IFI44L: variants seen among roughly 807,000 people sequenced by gnomAD.
IFI44L encodes interferon induced protein 44 like.
IFI44L carries 40 observed loss-of-function variants against 39.3 expected under a neutral mutation model. The ratio of observed to expected loss-of-function variants is 1.02; its 90% CI spans 0.79 to 1.33. The LOEUF (loss-of-function observed/expected upper bound fraction) is 1.33. Among genes scored for constraint, IFI44L ranks in the 40% most tolerant of loss-of-function variants. The probability of loss-of-function intolerance (pLI) is 0.00; values close to 1 mark genes in which losing one functional copy is unlikely to be tolerated. For synonymous variants in IFI44L, 198 were observed against 182.3 expected, an observed-to-expected ratio of 1.09 and a Z score of -0.69; for missense variants, 623 against 549.0, an observed-to-expected ratio of 1.13 and a Z score of -1.35.
chr1:78,636,054 AGTTT>A, intron 5 of IFI44L: 1 of 150,930 alleles, frequency 6.6e-6, no homozygotes, highest in South Asian at 2.1e-4. Flanking sequence ...GAGATGATAT[AGTTT>A]AAGTTCTCAA....
At chr1:78,634,697 G>A (rs1652873583) in intron 4 of IFI44L, among the ~76,000 whole-genome samples, 1 of 152,084 alleles carries the variant, frequency 6.6e-6, no homozygotes, top group African/African-American at 2.4e-5. Flanking sequence ...ATACTATAAT[G>A]ATGGTGATGT....
intron 1 of IFI44L, chr1:78,626,629 ACT>A (rs1299128715): frequency 6.6e-6 from 1 of 151,908 alleles, no homozygotes; most frequent in Non-Finnish European, 1.5e-5. Context: ...TATGAAATTA[ACT>A]CTGTCTGCTT....
chr1:78,634,863 G>A (rs939949637), intron 4 of IFI44L, among the ~76,000 whole-genome samples: 2 of 151,436 alleles, frequency 1.3e-5, no homozygotes, highest in Non-Finnish European at 2.9e-5. Context: ...AAGTGGAGCT[G>A]TTATTAACTT....
intron 1 of IFI44L, among the ~76,000 whole-genome samples, chr1:78,623,517 T>G (rs771467667): frequency 1.0e-4 from 15 of 150,628 alleles, no homozygotes; most frequent in Admixed American, 2.0e-4. Context: ...TCAGAGAAAC[T>G]GAACCAACAT....
intron 1 of IFI44L, among the ~76,000 whole-genome samples, chr1:78,624,317 C>T (rs1009081207): frequency 2.6e-5 from 4 of 152,122 alleles, no homozygotes; most frequent in African/African-American, 9.6e-5. Context: ...TTAAAATTCC[C>T]TTTTGATTTC....
At chr1:78,625,566 T>A (rs1652454249) in intron 1 of IFI44L, 1 of 152,102 alleles carries the variant, frequency 6.6e-6, no homozygotes, top group Admixed American at 6.6e-5. Flanking sequence ...ATTTTGTTAA[T>A]CCTTTTGAAA....
chr1:78,627,500 TGCTCTCTTG>T (rs1251454285), intron 1 of IFI44L: 1 of 152,744 alleles, frequency 6.5e-6, no homozygotes, highest in East Asian at 1.9e-4. Flanking sequence ...AACACAGTCA[TGCTCTCTTG>T]TTTACATATT....
intron 6 of IFI44L, among the ~76,000 whole-genome samples, chr1:78,640,427 A>G (rs967678144): frequency 2.0e-5 from 3 of 152,128 alleles, no homozygotes; most frequent in Non-Finnish European, 2.9e-5. Context: ...AAATAAACAC[A>G]AGATTTTAGT....
At position 78,637,142 on chromosome 1, in the gene IFI44L, C is replaced by A; in HGVS notation, c.987C>A (p.Asp329Glu). The change falls in exon 6 of 9, where the codon GAC becomes GAA. Residue 329 changes from aspartate to glutamate, a missense_variant. Asp to Glu is a conservative substitution (Grantham distance 45). Coordinates refer to ENST00000370751, the MANE Select transcript of IFI44L (RefSeq NM_006820.4). ...ATGTCTTAGACATCAACTCTATTGA[C>A]AATCTCTACTCTAAAATGTTGGCAA... ...VAYVLDINSI[D>E]NLYSKMLAKV... is the part of the protein sequence containing the mutation. 1 of 1,609,348 alleles carries A rather than the reference C, an allele frequency of 6.2e-7. No homozygotes were observed. Among genetic ancestry groups the A allele is most frequent in the African/African-American group, 1.3e-5 (1 of 74,640 alleles).
At chr1:78,630,545 T>A (rs1459357521) in intron 4 of IFI44L, among the ~76,000 whole-genome samples, 21 of 152,168 alleles carry the variant, frequency 1.4e-4, no homozygotes, top group Admixed American at 1.4e-3. Context: ...AATGTTATCA[T>A]GCACATGCAA....
At position 78,629,873 on chromosome 1, in the gene IFI44L, C is replaced by T. The variant is rs762710969; in HGVS notation, c.681C>T (p.Gly227=). The T allele has an allele frequency of 9.9e-6, 16 of 1,613,590 alleles. No individual in the cohort carries two copies. The East Asian group carries it at 2.7e-4, about 27-fold the overall frequency. The part of the protein sequence containing the change: ...VKSIFHGHVT[G]QAVVGSDITS... The stretch of plus-strand genomic sequence containing the variant: ...CTATTTTTCATGGCCATGTGACTGG[C>T]CAAGCCGTAGTGGGGTCTGATATCA... Residue 227 remains glycine (G), a synonymous_variant, in exon 4 of 9, where the codon GGC becomes GGT. Coordinates refer to ENST00000370751, the MANE Select transcript of IFI44L (RefSeq NM_006820.4).
chr1:78,628,271 C>T lies in IFI44L; in HGVS notation c.356C>T (p.Thr119Met), dbSNP rs77163359. 1.8e-4 allele frequency: 297 copies of T among 1,608,910 alleles called. No homozygotes were observed. Among genetic ancestry groups the T allele is most frequent in the Non-Finnish European group, 2.4e-4 (280 of 1,176,432 alleles). ...DEQLVCRLSKTDIFIICRDNK... is the reference protein window; with the variant it reads ...DEQLVCRLSKMDIFIICRDNK... ...CAACTGGTGTGTCGTTTATCGAAAA[C>T]GGATATTTTCATTATATGTCGAGAT... is the stretch of plus-strand genomic sequence containing the variant. The change falls in exon 2 of 9, where the codon ACG becomes ATG. Residue 119 changes from threonine to methionine, a missense_variant. Physicochemically the swap from Thr to Met is moderately conservative, Grantham distance 81 (BLOSUM62 -1). Transcript: ENST00000370751.
rs188968829 is a variant in IFI44L, at chr1:78,623,564, G to A, written c.-11+2993G>A. 8.7e-4 allele frequency among the ~76,000 whole-genome samples: 132 copies of A among 152,144 alleles called. 1 individual carries two copies. The highest frequency in any genetic ancestry group is 3.0e-3 in the African/African-American group (124 of 41,534). On this transcript the variant is annotated intron_variant, in intron 1 of 8. Transcript: ENST00000370751. ...AATTAAAAAAAAACTAAGGAAATTT[G>A]TTATGGGAGGTGGCTCATGTGGTGT...
intron 1 of IFI44L, among the ~76,000 whole-genome samples, chr1:78,623,774 C>T (rs946067138): frequency 5.3e-5 from 8 of 151,936 alleles, no homozygotes; most frequent in East Asian, 1.9e-4. Context: ...TCCCAGAATC[C>T]GAATGTTTGA....
chr1:78,628,549 A>T, intron 2 of IFI44L, 156 bp downstream of exon 2: 2 of 606,184 alleles, frequency 3.3e-6, no homozygotes, highest in African/African-American at 3.7e-5. Context: ...TGGGGAACAT[A>T]AGGATTATGA....
At chr1:78,638,646 T>G (rs1653039881) in intron 6 of IFI44L, among the ~76,000 whole-genome samples, 1 of 152,074 alleles carries the variant, frequency 6.6e-6, no homozygotes, top group Admixed American at 6.6e-5. Context: ...GTTTTTTAGC[T>G]CTAAAATTTC....
intron 1 of IFI44L, among the ~76,000 whole-genome samples, chr1:78,621,656 T>A (rs1465276906): frequency 6.6e-6 from 1 of 152,142 alleles, no homozygotes; most frequent in East Asian, 1.9e-4. Context: ...TAATTGTTTT[T>A]ATGGTTTTCT....
At chr1:78,633,023 A>G (rs954755243) in intron 4 of IFI44L, among the ~76,000 whole-genome samples, 14 of 152,328 alleles carry the variant, frequency 9.2e-5, no homozygotes, top group Non-Finnish European at 1.8e-4. Context: ...CATCAATTTG[A>G]ATAATTATTA....
chr1:78,639,098 T>A (rs1219662789), intron 6 of IFI44L, among the ~76,000 whole-genome samples: 1 of 151,980 alleles, frequency 6.6e-6, no homozygotes, highest in Non-Finnish European at 1.5e-5. Context: ...GCATCGAAGG[T>A]TAATGAAGGC....
Sources: allele counts gnomAD v4.1 joint callset (sites outside exome capture counted in the v4.1 genomes callset), GRCh38; gene constraint gnomAD v4.1.1; transcripts MANE v1.5; gene names NCBI Gene and HGNC (gene_info 2026-07-23, HGNC 2026-07-21).